PPFIBP1: variants seen among roughly 807,000 people sequenced by gnomAD.
PPFIBP1 encodes PPFIB scaffold protein 1, also known as liprin-beta-1.
Under a neutral mutation model 137.8 loss-of-function variants are expected in PPFIBP1, and 112 were observed. That is an observed-to-expected ratio of 0.81 (90% CI 0.70 to 0.95). The LOEUF (loss-of-function observed/expected upper bound fraction) is 0.95, where lower values mean the gene tolerates loss of function less well. Among genes scored for constraint, PPFIBP1 ranks in the 40% least tolerant of loss-of-function variants. The probability of loss-of-function intolerance (pLI) is 0.00; values close to 1 mark genes in which losing one functional copy is unlikely to be tolerated. For missense variants in PPFIBP1, 1,083 were observed against 1,196.6 expected (o/e 0.91, Z 1.40); for synonymous variants, 378 against 417.3 (o/e 0.91, Z 1.15).
chr12:27,618,120 T>C (rs574151593), intron 2 of PPFIBP1, among the ~76,000 whole-genome samples: 7 of 152,384 alleles, frequency 4.6e-5, no homozygotes, highest in African/African-American at 1.7e-4. Context: ...TAATATTCTA[T>C]TCTTTCCTAT....
rs1187225542 is a variant in PPFIBP1, at chr12:27,525,870, A to AT, written c.-124+1507dup. ...TTGTTTATGACATACCTGGGTCTGT[A>AT]TTGTTGTTAGTTCCTGAAAAAATTA... On this transcript the variant is annotated intron_variant, in intron 1 of 29. Transcript: ENST00000228425. 2.0e-5 allele frequency among the ~76,000 whole-genome samples: 3 copies of AT among 152,190 alleles called. No homozygotes were observed. The East Asian group carries it at 5.8e-4, about 29-fold the overall frequency.
chr12:27,551,391 G>A (rs1409158069), intron 1 of PPFIBP1, among the ~76,000 whole-genome samples: 1 of 152,120 alleles, frequency 6.6e-6, no homozygotes, highest in Non-Finnish European at 1.5e-5. Flanking sequence ...TACTACGAAG[G>A]TCTAAACCTG....
At chr12:27,685,104 G>A (rs1380214409) in intron 24 of PPFIBP1, among the ~76,000 whole-genome samples, 1 of 151,702 alleles carries the variant, frequency 6.6e-6, no homozygotes, top group Non-Finnish European at 1.5e-5. Context: ...TTTCACATAC[G>A]CTGCTTGTGA....
intron 1 of PPFIBP1, among the ~76,000 whole-genome samples, chr12:27,558,200 G>A (rs1197935449): frequency 1.3e-5 from 2 of 151,746 alleles, no homozygotes; most frequent in South Asian, 2.1e-4. Flanking sequence ...TGCTTTATTA[G>A]TATGCTCACA....
chr12:27,629,850 G>A (rs2057137446), intron 2 of PPFIBP1, among the ~76,000 whole-genome samples: 2 of 152,114 alleles, frequency 1.3e-5, no homozygotes, highest in African/African-American at 4.8e-5. Context: ...AATAAATATG[G>A]ATGGTCTATT....
At chr12:27,574,979 A>C (rs755489267) in intron 1 of PPFIBP1, among the ~76,000 whole-genome samples, 2 of 152,238 alleles carry the variant, frequency 1.3e-5, no homozygotes, top group Non-Finnish European at 2.9e-5. Flanking sequence ...AAATGAAAAA[A>C]TTAAAGCAGT....
chr12:27,625,593 T>C (rs2056750466), intron 2 of PPFIBP1, among the ~76,000 whole-genome samples: 2 of 150,778 alleles, frequency 1.3e-5, no homozygotes, highest in African/African-American at 2.4e-5. Context: ...TTTTTTTTTT[T>C]TTTTGGAGAC....
chr12:27,535,338 G>T (rs708184), intron 1 of PPFIBP1, among the ~76,000 whole-genome samples: 112,815 of 152,104 alleles, frequency 0.74, 42,277 homozygotes, highest in Middle Eastern at 0.88. Context: ...AAACTAAGCA[G>T]TGAAGTTTTT....
intron 1 of PPFIBP1, 135 bp downstream of exon 1, chr12:27,524,500 A>C: frequency 6.8e-6 from 1 of 148,012 alleles, no homozygotes; most frequent in East Asian, 2.0e-4. Flanking sequence ...CCCAATGGGA[A>C]CGGGCACTTT....
At chr12:27,623,639 T>C (rs529401559) in intron 2 of PPFIBP1, among the ~76,000 whole-genome samples, 2 of 152,056 alleles carry the variant, frequency 1.3e-5, no homozygotes, top group South Asian at 2.1e-4. Context: ...GCCCAGAAGG[T>C]CAAGGCTGCA....
chr12:27,593,769 G>T, intron 2 of PPFIBP1: 3 of 772,606 alleles, frequency 3.9e-6, no homozygotes, highest in African/African-American at 3.5e-5. Context: ...CATGTCCCAG[G>T]CCAGGAAGAT....
intron 1 of PPFIBP1, among the ~76,000 whole-genome samples, chr12:27,545,875 G>C (rs1318530327): frequency 6.6e-6 from 1 of 152,208 alleles, no homozygotes; most frequent in African/African-American, 2.4e-5. Flanking sequence ...ATGCGACTGA[G>C]GTGAACCAGA....
Position 27,695,418 on chromosome 12 carries a change from C to G in PPFIBP1, c.*2536C>G, listed in dbSNP as rs2061716907. 6.6e-6 allele frequency: 1 copy of G among 152,118 alleles called. No individual in the cohort carries two copies. The highest frequency in any genetic ancestry group is 2.4e-5 in the African/African-American group (1 of 41,394). The allele number at this position is 152,118 out of a possible 1,614,324, so 9.4% of individuals were successfully genotyped here. On this transcript the variant is annotated 3_prime_UTR_variant, in exon 30 of 30. Coordinates refer to ENST00000228425, the MANE Select transcript of PPFIBP1 (RefSeq NM_003622.4). ...TACAGGCGTGAGCCACCATGCCCGG[C>G]CCAAATATTTTTTATTCAGGATGGT...
chr12:27,603,554 C>G (rs1224306924), intron 2 of PPFIBP1, among the ~76,000 whole-genome samples: 1 of 152,194 alleles, frequency 6.6e-6, no homozygotes, highest in Middle Eastern at 3.2e-3. Flanking sequence ...TGGATTGGAG[C>G]CTCCACCAGG....
At position 27,691,883 on chromosome 12, in the gene PPFIBP1, G is replaced by A; in HGVS notation, c.2820G>A (p.Leu940=). ...CTAAGAAAGGATTTAAACCTGGTTT[G>A]GATATGCGCCTGTATGAGGAAGATG... The part of the protein sequence containing the change: ...SASKKGFKPG[L]DMRLYEEDDL... The change falls in exon 28 of 30, where the codon TTG becomes TTA. Residue 940 remains leucine (L), a synonymous_variant. Transcript: ENST00000228425. 6.2e-7 allele frequency: 1 copy of A among 1,613,948 alleles called. No homozygotes were observed. Among genetic ancestry groups the A allele is most frequent in the East Asian group, 2.2e-5 (1 of 44,878 alleles).
At chr12:27,634,363 G>A (rs1415887133) in intron 3 of PPFIBP1, among the ~76,000 whole-genome samples, 1 of 152,036 alleles carries the variant, frequency 6.6e-6, no homozygotes, top group African/African-American at 2.4e-5. Flanking sequence ...TCTTTGCTAA[G>A]CTTCCAGTTC....
At chr12:27,647,280 C>T (rs1161671845) in intron 5 of PPFIBP1, among the ~76,000 whole-genome samples, 6 of 152,134 alleles carry the variant, frequency 3.9e-5, no homozygotes, top group South Asian at 2.1e-4. Flanking sequence ...GGATTACAGG[C>T]GTGAGCCACC....
intron 1 of PPFIBP1, among the ~76,000 whole-genome samples, chr12:27,568,944 TTC>T (rs2049914912): frequency 6.6e-6 from 1 of 152,212 alleles, no homozygotes; most frequent in Non-Finnish European, 1.5e-5. Context: ...GTCTTCTGAA[TTC>T]TCTGTTACCA....
intron 2 of PPFIBP1, among the ~76,000 whole-genome samples, chr12:27,632,290 C>T (rs2057321529): frequency 6.6e-6 from 1 of 152,184 alleles, no homozygotes; most frequent in Non-Finnish European, 1.5e-5. Flanking sequence ...GATTTGGCTG[C>T]TTGGAAACAG....
Sources: allele counts gnomAD v4.1 joint callset (sites outside exome capture counted in the v4.1 genomes callset), GRCh38; gene constraint gnomAD v4.1.1; transcripts MANE v1.5; gene names NCBI Gene and HGNC (gene_info 2026-07-23, HGNC 2026-07-21).